Variants in DPYD observed in about 807,000 individuals in gnomAD.
DPYD encodes dihydropyrimidine dehydrogenase [NADP(+)].
A neutral mutation model predicts 116.2 loss-of-function variants in DPYD; 109 were observed. The ratio of observed to expected loss-of-function variants is 0.94; its 90% CI spans 0.80 to 1.10. The LOEUF (loss-of-function observed/expected upper bound fraction) is 1.10. DPYD is among the 50% of genes least tolerant of loss of function. The pLI is 0.00. For synonymous variants in DPYD, 440 were observed against 432.0 expected (o/e 1.02, Z -0.23); for missense variants, 1,302 against 1,254.5 (o/e 1.04, Z -0.57).
At chr1:97,687,721 C>A (rs183616643) in intron 7 of DPYD, among the ~76,000 whole-genome samples, 3 of 152,178 alleles carry the variant, frequency 2.0e-5, no homozygotes, top group Non-Finnish European at 4.4e-5. Context: ...GACATGGAAT[C>A]AACCAAAATG....
chr1:97,339,699 A>T (rs1669498163), intron 16 of DPYD, among the ~76,000 whole-genome samples: 2 of 152,206 alleles, frequency 1.3e-5, no homozygotes, highest in Non-Finnish European at 2.9e-5. Flanking sequence ...GCAAAGCACA[A>T]TGCAGTGTTA....
At chr1:97,285,724 C>A (rs934642908) in intron 18 of DPYD, among the ~76,000 whole-genome samples, 9 of 146,416 alleles carry the variant, frequency 6.1e-5, no homozygotes, top group African/African-American at 2.5e-5. Flanking sequence ...CTTTCTGTTA[C>A]CCAGGCTGGG....
chr1:97,376,821 A>G (rs949837582), intron 15 of DPYD, among the ~76,000 whole-genome samples: 5 of 151,090 alleles, frequency 3.3e-5, no homozygotes, highest in African/African-American at 1.2e-4. Context: ...AATTTCCTAC[A>G]TTATCTATTT....
intron 13 of DPYD, among the ~76,000 whole-genome samples, chr1:97,511,640 A>G (rs1304532263): frequency 6.6e-6 from 1 of 151,958 alleles, no homozygotes; most frequent in Non-Finnish European, 1.5e-5. Flanking sequence ...ATATGGGGTC[A>G]ATAAAAGGAA....
chr1:97,873,964 G>C (rs972959736), intron 2 of DPYD, among the ~76,000 whole-genome samples: 1 of 151,794 alleles, frequency 6.6e-6, no homozygotes, highest in East Asian at 1.9e-4. Context: ...ATGTTAGATG[G>C]CAATATGTTC....
intron 20 of DPYD, among the ~76,000 whole-genome samples, chr1:97,164,631 C>G (rs940365004): frequency 6.6e-6 from 1 of 152,084 alleles, no homozygotes; most frequent in Non-Finnish European, 1.5e-5. Flanking sequence ...TACACACCAA[C>G]AACAGCCAAG....
At chr1:97,722,139 C>G (rs1662959841) in intron 4 of DPYD, among the ~76,000 whole-genome samples, 1 of 151,554 alleles carries the variant, frequency 6.6e-6, no homozygotes, top group South Asian at 2.1e-4. Context: ...ATTTTTGGAA[C>G]ATATTATTTT....
intron 13 of DPYD, among the ~76,000 whole-genome samples, chr1:97,469,397 C>CAAAAAAAAAAAAAAA (rs59090402): frequency 4.2e-4 from 34 of 80,804 alleles, no homozygotes; most frequent in African/African-American, 1.1e-3. Flanking sequence ...GCTAAAATTG[C>CAAAAAAAAAAAAAAA]AAAAAAAAAA....
chr1:97,322,667 T>G (rs1433029741), intron 16 of DPYD: 1 of 151,996 alleles, frequency 6.6e-6, no homozygotes, highest in Non-Finnish European at 1.5e-5. Context: ...ATAAGGGGTG[T>G]GTCTGTGTAA....
chr1:97,333,450 G>A (rs933054188), intron 16 of DPYD, among the ~76,000 whole-genome samples: 3 of 150,632 alleles, frequency 2.0e-5, no homozygotes, highest in South Asian at 2.1e-4. Flanking sequence ...CGCCCTTCTC[G>A]GCCTCCCAAA....
intron 8 of DPYD, among the ~76,000 whole-genome samples, chr1:97,621,332 T>C (rs909860324): frequency 6.6e-6 from 1 of 152,062 alleles, no homozygotes; most frequent in Non-Finnish European, 1.5e-5. Flanking sequence ...TTCACTGTTG[T>C]ATTGGGAGGT....
chr1:97,331,243 A>G (rs1668980485), intron 16 of DPYD, among the ~76,000 whole-genome samples: 1 of 152,074 alleles, frequency 6.6e-6, no homozygotes, highest in Non-Finnish European at 1.5e-5. Flanking sequence ...GGAGGTCAAG[A>G]CAGGAGGATC....
chr1:97,671,749 T>C (rs1659870625), intron 8 of DPYD, among the ~76,000 whole-genome samples: 1 of 150,626 alleles, frequency 6.6e-6, no homozygotes, highest in Non-Finnish European at 1.5e-5. Flanking sequence ...CTCTCATAAA[T>C]GTTTAATATA....
intron 14 of DPYD, among the ~76,000 whole-genome samples, chr1:97,392,733 A>G (rs1423601705): frequency 1.3e-5 from 2 of 152,114 alleles, no homozygotes; most frequent in Non-Finnish European, 2.9e-5. Context: ...ATTCATAAGA[A>G]GTAACTCCTC....
chr1:97,381,959 A>G (rs1671996914), intron 15 of DPYD, among the ~76,000 whole-genome samples: 1 of 152,136 alleles, frequency 6.6e-6, no homozygotes, highest in Non-Finnish European at 1.5e-5. Flanking sequence ...TATTAAATGA[A>G]CCTTTTATAC....
intron 20 of DPYD, among the ~76,000 whole-genome samples, chr1:97,171,358 G>T (rs1259513264): frequency 6.6e-6 from 1 of 152,202 alleles, no homozygotes; most frequent in Non-Finnish European, 1.5e-5. Context: ...AGGTCACTGG[G>T]AAAGAGGTAA....
chr1:97,241,284 T>C (rs1390972452), intron 18 of DPYD, among the ~76,000 whole-genome samples: 1 of 151,988 alleles, frequency 6.6e-6, no homozygotes, highest in Non-Finnish European at 1.5e-5. Flanking sequence ...AAGTGTCAGC[T>C]ACTGTTACTG....
intron 20 of DPYD, among the ~76,000 whole-genome samples, chr1:97,158,469 C>CCACACACACACA (rs1553225163): frequency 2.0e-5 from 1 of 51,010 alleles, no homozygotes; most frequent in Non-Finnish European, 5.1e-5. Context: ...AGATAACTCA[C>CCACACACACACA]CAGACACACA....
intron 18 of DPYD, among the ~76,000 whole-genome samples, chr1:97,239,176 G>C (rs1242198966): frequency 6.6e-6 from 1 of 152,082 alleles, no homozygotes; most frequent in Middle Eastern, 3.2e-3. Context: ...GATTGTCTTA[G>C]ATAAACTACA....
Sources: gnomAD v4.1 joint callset for allele counts (sites outside exome capture counted in the v4.1 genomes callset) on GRCh38, gnomAD v4.1.1 for gene constraint, MANE v1.5 for transcripts, NCBI Gene and HGNC (gene_info 2026-07-23, HGNC 2026-07-21) for gene names.